The following P3H2 variants were observed in gnomAD, a reference collection of about 807,000 sequenced individuals.
The protein encoded by P3H2 is prolyl 3-hydroxylase 2.
Under a neutral mutation model 87.0 loss-of-function variants are expected in P3H2, and 80 were observed. That is an observed-to-expected ratio of 0.92 (90% CI 0.77 to 1.11). The LOEUF is 1.11. Ranked by LOEUF, P3H2 falls within the 50% of genes least tolerant of loss-of-function variation. The probability of loss-of-function intolerance (pLI) is 0.00; values close to 1 mark genes in which losing one functional copy is unlikely to be tolerated. For synonymous variants in P3H2, 367 were observed against 359.3 expected (o/e 1.02, Z -0.24); for missense variants, 1,001 against 923.9 (o/e 1.08, Z -1.08).
intron 1 of P3H2, among the ~76,000 whole-genome samples, chr3:190,000,968 T>C (rs1307350021): frequency 6.6e-6 from 1 of 152,228 alleles, no homozygotes; most frequent in Non-Finnish European, 1.5e-5. Context: ...GAGATGATGC[T>C]TTTACTTTGC....
chr3:189,964,033 C>G lies in P3H2; in HGVS notation c.1959G>C (p.Gly653=). The G allele has an allele frequency of 2.5e-6, 4 of 1,614,124 alleles. No individual in the cohort carries two copies. The highest frequency in any genetic ancestry group is 3.4e-6 in the Non-Finnish European group (4 of 1,179,980). ...TCTTTCCCTTGGTGACTGCCTTCAC[C>G]CCATGAGGGTTCTCTCCTCCAGATG... The part of the protein sequence containing the change: ...SFSSGGENPH[G]VKAVTKGKRC... The change falls in exon 14 of 15, where the codon GGG becomes GGC. Residue 653 remains glycine, a synonymous_variant. Coordinates refer to ENST00000319332, the MANE Select transcript of P3H2 (RefSeq NM_018192.4).
intron 1 of P3H2, among the ~76,000 whole-genome samples, chr3:190,092,155 C>T (rs548801935): frequency 8.9e-4 from 135 of 151,972 alleles, no homozygotes; most frequent in Non-Finnish European, 1.5e-3. Context: ...ATGGCTTGAT[C>T]CCAGGAGGCA....
At chr3:189,981,727 A>T (rs1723540476) in intron 8 of P3H2, among the ~76,000 whole-genome samples, 1 of 152,154 alleles carries the variant, frequency 6.6e-6, no homozygotes, top group African/African-American at 2.4e-5. Context: ...AAATTTGGCA[A>T]CTGTCCTGGA....
chr3:190,111,804 G>C (rs1473121716), intron 1 of P3H2, among the ~76,000 whole-genome samples: 4 of 152,134 alleles, frequency 2.6e-5, no homozygotes, highest in African/African-American at 9.7e-5. Flanking sequence ...CTGATGCATG[G>C]ATTCTTGCCA....
chr3:189,993,974 C>T (rs550358771), intron 3 of P3H2, 120 bp downstream of exon 3: 6 of 809,984 alleles, frequency 7.4e-6, no homozygotes, highest in African/African-American at 6.9e-5. Flanking sequence ...CTGGGATAGA[C>T]ACATGAGAGT....
In P3H2 at chr3:190,066,158, TAC is replaced by T. The variant is rs796289092; in HGVS notation, c.480+54092_480+54093del. Among the ~76,000 whole-genome samples the T allele has an allele frequency of 7.3e-3, 984 of 134,140 alleles. 12 individuals are homozygous for T. Among genetic ancestry groups the T allele is most frequent in the Middle Eastern group, 0.016 (4 of 252 alleles). The allele number at this position is 134,140 out of a possible 152,430, so 88.0% of individuals were successfully genotyped here. A position where few individuals can be genotyped will look rare whatever the true frequency, so the allele number is the denominator to read the frequency against. ...ACTGTGGTGTGTATATATATATATATACACACACACACACACACACATATATA... is the reference window on the plus strand; with the variant it reads ...ACTGTGGTGTGTATATATATATATATACACACACACACACACACATATATA... On this transcript the variant is annotated intron_variant, in intron 1 of 14. Coordinates refer to ENST00000319332, the MANE Select transcript of P3H2 (RefSeq NM_018192.4).
chr3:190,029,498 C>CT (rs770039095), intron 1 of P3H2, among the ~76,000 whole-genome samples: 76 of 147,696 alleles, frequency 5.1e-4, no homozygotes, highest in East Asian at 3.9e-3. Flanking sequence ...TGGTGACTTT[C>CT]TTTTTTTTTT....
At chr3:190,032,577 G>C (rs992489130) in intron 1 of P3H2, among the ~76,000 whole-genome samples, 13 of 152,190 alleles carry the variant, frequency 8.5e-5, no homozygotes, top group Admixed American at 3.3e-4. Context: ...GGTCAACTTT[G>C]GACACAGACT....
intron 1 of P3H2, among the ~76,000 whole-genome samples, chr3:190,069,494 G>T (rs947225808): frequency 6.6e-6 from 1 of 152,072 alleles, no homozygotes; most frequent in African/African-American, 2.4e-5. Flanking sequence ...CTCCTCTCCA[G>T]CCAAACAGAA....
At chr3:190,019,097 A>G (rs1008247277) in intron 1 of P3H2, among the ~76,000 whole-genome samples, 2 of 152,142 alleles carry the variant, frequency 1.3e-5, no homozygotes, top group Non-Finnish European at 2.9e-5. Context: ...ATTGCCATTC[A>G]TTTCAATAGC....
rs763731408 is a variant in P3H2, at chr3:189,983,092, T to A, written c.1278A>T (p.Ser426=). ...NVEGAEVHGF[S]MGKKLSPKID... ...TCTTGGGTGATAGCTTTTTTCCCAT[T>A]GAGAATCCATGAACTTCTGCTCCCT... Residue 426 remains serine, a synonymous_variant, in exon 8 of 15, where the codon TCA becomes TCT. Transcript: ENST00000319332. 1.2e-6 allele frequency: 2 copies of A among 1,613,144 alleles called. No individual in the cohort carries two copies. The highest frequency in any genetic ancestry group is 1.7e-6 in the Non-Finnish European group (2 of 1,179,144).
chr3:190,004,437 C>T (rs1047351775), intron 1 of P3H2, among the ~76,000 whole-genome samples: 3 of 152,172 alleles, frequency 2.0e-5, no homozygotes, highest in Non-Finnish European at 4.4e-5. Context: ...GGCTGGAGTG[C>T]AGTGGCGGGA....
intron 1 of P3H2, among the ~76,000 whole-genome samples, chr3:190,041,421 T>A (rs1375303212): frequency 6.6e-6 from 1 of 152,228 alleles, no homozygotes; most frequent in East Asian, 1.9e-4. Context: ...CTTTACCGCC[T>A]ACTCAGCAAA....
chr3:189,957,002 C>T lies in P3H2; in HGVS notation c.*910G>A, dbSNP rs1033577037. The T allele has an allele frequency of 2.5e-6, 1 of 397,724 alleles. No homozygotes were observed. Among genetic ancestry groups the T allele is most frequent in the African/African-American group, 2.1e-5 (1 of 48,590 alleles). The allele number at this position is 397,724 out of a possible 1,614,324, so 24.6% of individuals were successfully genotyped here. A position where few individuals can be genotyped will look rare whatever the true frequency, so the allele number is the denominator to read the frequency against. ...CATTCTACTACAACCTCTACATGACCTTTTAAAGTGTACAACTTATAGGAC... is the reference window on the plus strand; with the variant it reads ...CATTCTACTACAACCTCTACATGACTTTTTAAAGTGTACAACTTATAGGAC... On this transcript the variant is annotated 3_prime_UTR_variant, in exon 15 of 15. Transcript: ENST00000319332.
chr3:189,975,396 A>G (rs970558599), intron 8 of P3H2, among the ~76,000 whole-genome samples: 1 of 152,230 alleles, frequency 6.6e-6, no homozygotes, highest in Non-Finnish European at 1.5e-5. Context: ...GTGAAATTAC[A>G]AAATCCAGAC....
In P3H2 at chr3:190,120,491, G is replaced by A. The variant is rs1394960957; in HGVS notation, c.241C>T (p.Arg81Cys). 4.8e-6 allele frequency: 7 copies of A among 1,453,012 alleles called. No homozygotes were observed. Among genetic ancestry groups the A allele is most frequent in the Admixed American group, 5.0e-5 (2 of 39,764 alleles). The allele number at this position is 1,453,012 out of a possible 1,614,324, so 90.0% of individuals were successfully genotyped here. ...GCGCAGTGGCGGGCACAGCGCGTGC[G>A]GATTTCCCGCAGGCGCCGGTGGCTG... is the stretch of plus-strand genomic sequence containing the variant. ...LRSHRRLREI[R>C]TRCARHCAAR... The change falls in exon 1 of 15, where the codon CGC becomes TGC. Residue 81 changes from arginine to cysteine, a missense_variant. Physicochemically the swap from Arg to Cys is radical, Grantham distance 180 (BLOSUM62 -3). Transcript: ENST00000319332.
rs140958763 is a variant in P3H2 at position 189,983,114 on chromosome 3, C to A, written c.1256G>T (p.Gly419Val). 553 of 1,613,732 alleles carry A rather than the reference C, an allele frequency of 3.4e-4. No homozygotes were observed. The highest frequency in any genetic ancestry group is 6.6e-4 in the Middle Eastern group (4 of 6,084). ...CATTGAGAATCCATGAACTTCTGCT[C>A]CCTCTACGTTCACTCCTGAAGGGAC... is the stretch of plus-strand genomic sequence containing the variant. ...NRVPSGVNVE[G>V]AEVHGFSMGK... The change falls in exon 8 of 15, where the codon GGA becomes GTA. Residue 419 changes from glycine to valine, a missense_variant. Gly to Val is a moderately radical substitution (Grantham distance 109). Transcript: ENST00000319332.
chr3:190,094,769 C>T (rs1251976664), intron 1 of P3H2, among the ~76,000 whole-genome samples: 1 of 152,188 alleles, frequency 6.6e-6, no homozygotes, highest in African/African-American at 2.4e-5. Flanking sequence ...GAGAAACATC[C>T]TTCTGTTCAT....
rs200427174 is a variant in P3H2 at position 189,977,749 on chromosome 3, C to T, written c.1325-3064G>A. 1.1e-4 allele frequency among the ~76,000 whole-genome samples: 16 copies of T among 151,918 alleles called. No homozygotes were observed. In the East Asian group the frequency reaches 2.9e-3, roughly 28 times the overall value. ...CCAAGTAGCTGGGACTATAGGCACGCACCACCATGCCTAGTTTATTTTTTT... is the reference window on the plus strand; with the variant it reads ...CCAAGTAGCTGGGACTATAGGCACGTACCACCATGCCTAGTTTATTTTTTT... On this transcript the variant is annotated intron_variant, in intron 8 of 14. Transcript: ENST00000319332.
Sources: allele counts gnomAD v4.1 joint callset (sites outside exome capture counted in the v4.1 genomes callset), GRCh38; gene constraint gnomAD v4.1.1; transcripts MANE v1.5; gene names NCBI Gene and HGNC (gene_info 2026-07-23, HGNC 2026-07-21).